Variants in ZBTB20 observed in about 807,000 individuals in gnomAD.
The protein encoded by ZBTB20 is zinc finger and BTB domain containing 20.
A neutral mutation model predicts 56.9 loss-of-function variants in ZBTB20; 9 were observed. That is an observed-to-expected ratio of 0.16 (90% CI 0.10 to 0.28). The LOEUF is 0.28. ZBTB20 is among the 10% of genes least tolerant of loss of function. The pLI, the probability that ZBTB20 is intolerant of heterozygous loss-of-function variation, is 1.00. For missense variants in ZBTB20, 655 were observed against 1,003.0 expected (o/e 0.65, Z 4.69); for synonymous variants, 417 against 420.7 (o/e 0.99, Z 0.11).
chr3:114,502,688 T>C (rs1442167089), intron 6 of ZBTB20: 2 of 152,166 alleles, frequency 1.3e-5, no homozygotes, highest in Non-Finnish European at 2.9e-5. Context: ...TATTCTAGTC[T>C]TCTCTGCAAG....
At chr3:115,128,514 A>G (rs941379628) in intron 1 of ZBTB20, among the ~76,000 whole-genome samples, 1 of 151,770 alleles carries the variant, frequency 6.6e-6, no homozygotes, top group African/African-American at 2.4e-5. Context: ...AAACACAAAA[A>G]TTAGCTGGGT....
intron 5 of ZBTB20, among the ~76,000 whole-genome samples, chr3:114,729,956 A>ATTTTTTTTTTT (rs1229757252): frequency 4.2e-5 from 5 of 119,450 alleles, no homozygotes; most frequent in Non-Finnish European, 5.2e-5. Context: ...CATCCGGCTA[A>ATTTTTTTTTTT]TTTTTTTTTT....
intron 7 of ZBTB20, among the ~76,000 whole-genome samples, chr3:114,466,765 C>A (rs1014632702): frequency 2.3e-4 from 35 of 152,212 alleles, no homozygotes; most frequent in African/African-American, 8.2e-4. Context: ...GCAAGGGACT[C>A]TGCTAGGACC....
At chr3:114,445,622 T>C (rs1414408161) in intron 7 of ZBTB20, 1 of 152,204 alleles carries the variant, frequency 6.6e-6, no homozygotes, top group Non-Finnish European at 1.5e-5. Context: ...GATAAATATA[T>C]ATCCAGTTAA....
chr3:114,825,930 C>T (rs2073501843), intron 4 of ZBTB20, among the ~76,000 whole-genome samples: 1 of 151,780 alleles, frequency 6.6e-6, no homozygotes. Context: ...TATCTATGAT[C>T]ACTTCTAGCA....
intron 1 of ZBTB20, among the ~76,000 whole-genome samples, chr3:115,101,974 A>G (rs545797416): frequency 6.6e-6 from 1 of 152,212 alleles, no homozygotes; most frequent in Admixed American, 6.5e-5. Flanking sequence ...ATTCACAAAA[A>G]TCTTTAAGAA....
chr3:114,849,359 A>T (rs2074881803), intron 4 of ZBTB20, among the ~76,000 whole-genome samples: 1 of 152,208 alleles, frequency 6.6e-6, no homozygotes, highest in South Asian at 2.1e-4. Flanking sequence ...ACTGTTTTTA[A>T]ATTCAAGATA....
intron 5 of ZBTB20, among the ~76,000 whole-genome samples, chr3:114,796,553 T>A (rs1217986650): frequency 6.6e-6 from 1 of 151,942 alleles, no homozygotes; most frequent in East Asian, 1.9e-4. Flanking sequence ...GCTCCATCTC[T>A]TTCAATTAGG....
chr3:114,625,207 G>A (rs2058587018), intron 6 of ZBTB20, among the ~76,000 whole-genome samples: 1 of 151,676 alleles, frequency 6.6e-6, no homozygotes, highest in Admixed American at 6.6e-5. Context: ...TTGTAGGACT[G>A]TAAAAAAAGA....
intron 4 of ZBTB20, among the ~76,000 whole-genome samples, chr3:114,807,196 C>T (rs915922590): frequency 9.9e-5 from 15 of 151,840 alleles, no homozygotes; most frequent in African/African-American, 3.6e-4. Context: ...TGCTAGTATA[C>T]AGAAATATAA....
chr3:114,861,683 AC>A (rs2075536217), intron 4 of ZBTB20: 6 of 17,620 alleles, frequency 3.4e-4, no homozygotes, highest in South Asian at 7.5e-3. Flanking sequence ...CACACACCAC[AC>A]ACACACACAC....
intron 7 of ZBTB20, among the ~76,000 whole-genome samples, chr3:114,425,294 A>C (rs943405861): frequency 2.0e-5 from 3 of 152,166 alleles, no homozygotes; most frequent in Non-Finnish European, 4.4e-5. Context: ...TTTGCAAGAG[A>C]TGACTGGACA....
At position 114,742,449 on chromosome 3, in the gene ZBTB20, G is replaced by T. The variant is rs111401170; in HGVS notation, c.-342-48874C>A. 4.1e-4 allele frequency among the ~76,000 whole-genome samples: 63 copies of T among 152,218 alleles called. 1 individual carries two copies. The highest frequency in any genetic ancestry group is 1.5e-3 in the African/African-American group (63 of 41,552). ...GCTTTACAGATAAGGAAACTGAGGTGCATTATAATAGCAACAGCAGCTGAT... is the reference window on the plus strand; with the variant it reads ...GCTTTACAGATAAGGAAACTGAGGTTCATTATAATAGCAACAGCAGCTGAT... On this transcript the variant is annotated intron_variant, in intron 5 of 11. Coordinates refer to ENST00000675478, the MANE Select transcript of ZBTB20 (RefSeq NM_001348800.3).
At chr3:114,551,133 T>C (rs138897931) in intron 6 of ZBTB20, among the ~76,000 whole-genome samples, 374 of 152,318 alleles carry the variant, frequency 2.5e-3, no homozygotes, top group African/African-American at 7.9e-3. Flanking sequence ...ATTATTTCGA[T>C]TGTCTTTAAA....
rs901082969 is a variant in ZBTB20, at chr3:114,328,826, T to C, written c.*10179A>G. ...ATTATTAGAGTTTTGGGGGCAGTAA[T>C]GAAGACAAATAGGTAATTTGAAGTA... On this transcript the variant is annotated 3_prime_UTR_variant, in exon 12 of 12. Transcript: ENST00000675478. The C allele has an allele frequency of 6.6e-6, 1 of 151,926 alleles. No individual in the cohort carries two copies. The highest frequency in any genetic ancestry group is 1.5e-5 in the Non-Finnish European group (1 of 67,954). 9.4% of individuals were successfully genotyped at this position (151,926 alleles called of 1,614,324 possible). A position where few individuals can be genotyped will look rare whatever the true frequency, so the allele number is the denominator to read the frequency against.
At chr3:114,812,854 C>G (rs1221642339) in intron 4 of ZBTB20, among the ~76,000 whole-genome samples, 2 of 152,216 alleles carry the variant, frequency 1.3e-5, no homozygotes, top group East Asian at 3.9e-4. Flanking sequence ...GGGAAGGCAG[C>G]TAAGGCCCGG....
intron 6 of ZBTB20, among the ~76,000 whole-genome samples, chr3:114,556,519 T>A (rs1473469756): frequency 6.6e-6 from 1 of 152,116 alleles, no homozygotes; most frequent in East Asian, 1.9e-4. Context: ...TTTTCCAATC[T>A]GTATGAATTG....
At chr3:114,467,532 G>A in intron 7 of ZBTB20, among the ~76,000 whole-genome samples, 1 of 152,192 alleles carries the variant, frequency 6.6e-6, no homozygotes, top group Non-Finnish European at 1.5e-5. Flanking sequence ...TTGCTGTGAG[G>A]AAGAGGTATA....
chr3:114,706,571 T>C (rs1344428294), intron 5 of ZBTB20, among the ~76,000 whole-genome samples: 2 of 152,046 alleles, frequency 1.3e-5, no homozygotes, highest in East Asian at 1.9e-4. Context: ...CAAAATGGGG[T>C]TCAGAGATAC....
Sources: gnomAD v4.1 joint callset for allele counts (sites outside exome capture counted in the v4.1 genomes callset) on GRCh38, gnomAD v4.1.1 for gene constraint, MANE v1.5 for transcripts, NCBI Gene and HGNC (gene_info 2026-07-23, HGNC 2026-07-21) for gene names.